The following SPG11 variants were observed in gnomAD, a reference collection of about 807,000 sequenced individuals.
The protein encoded by SPG11 is spatacsin.
In SPG11, 222 loss-of-function variants were observed where a neutral mutation model predicts 274.0. The observed-to-expected ratio is 0.81, with a 90% CI of 0.73 to 0.91. SPG11 has a LOEUF of 0.91. Ranked by LOEUF, SPG11 falls within the 40% of genes least tolerant of loss-of-function variation. The pLI, the probability that SPG11 is intolerant of heterozygous loss-of-function variation, is 0.00. For missense variants in SPG11, 3,114 were observed against 2,872.7 expected (o/e 1.08, Z -1.92); for synonymous variants, 1,144 against 1,039.7 (o/e 1.10, Z -1.93).
intron 18 of SPG11, among the ~76,000 whole-genome samples, 164 bp downstream of exon 18, chr15:44,610,676 C>T (rs1471036643): frequency 6.6e-6 from 1 of 152,176 alleles, no homozygotes; most frequent in Admixed American, 6.5e-5. Flanking sequence ...CTGCACCGGG[C>T]CGAGATATAA....
chr15:44,609,929 G>A (rs1320546398), intron 18 of SPG11, among the ~76,000 whole-genome samples: 2 of 136,852 alleles, frequency 1.5e-5, no homozygotes, highest in Non-Finnish European at 3.1e-5. Context: ...TTGAGACGGA[G>A]TCTTGCTCTG....
At chr15:44,575,219 G>A in intron 30 of SPG11, 178 bp from the exon 31 acceptor site, 1 of 695,588 alleles carries the variant, frequency 1.4e-6, no homozygotes, top group Non-Finnish European at 2.4e-6. Context: ...CCCTCTTCCA[G>A]GAAATCCCAC....
Position 44,565,962 on chromosome 15 carries a change from C to T in SPG11, c.6891G>A (p.Leu2297=), listed in dbSNP as rs2140913726. The T allele has an allele frequency of 6.2e-7, 1 of 1,613,928 alleles. No individual in the cohort carries two copies. The highest frequency in any genetic ancestry group is 8.5e-7 in the Non-Finnish European group (1 of 1,180,034). ...QAQHCQRLTK[L]ITLQIHFLNT... ...TCAGAAAGTGAATCTGCAGAGTTATCAACTTGGTGAGCCGCTGACAGTGCT... is the reference window on the plus strand; with the variant it reads ...TCAGAAAGTGAATCTGCAGAGTTATTAACTTGGTGAGCCGCTGACAGTGCT... The change falls in exon 38 of 40, where the codon TTG becomes TTA. Residue 2297 remains leucine (L), a synonymous_variant. Transcript: ENST00000261866.
intron 11 of SPG11, 27 bp downstream of exon 11, chr15:44,626,304 T>C (rs1359029844): frequency 6.3e-7 from 1 of 1,576,858 alleles, no homozygotes; most frequent in Non-Finnish European, 8.6e-7. Context: ...AAATACATTT[T>C]AAGACTTTAT....
At chr15:44,650,994 C>A (rs2084757444) in intron 6 of SPG11, among the ~76,000 whole-genome samples, 1 of 152,188 alleles carries the variant, frequency 6.6e-6, no homozygotes, top group Non-Finnish European at 1.5e-5. Flanking sequence ...GTTATCCATC[C>A]ACCTCAGCCT....
chr15:44,566,372 T>C (rs780901357), intron 36 of SPG11, 67 bp from the exon 37 acceptor site: 12 of 1,473,170 alleles, frequency 8.1e-6, no homozygotes, highest in Non-Finnish European at 1.1e-5. Flanking sequence ...ATCCCACTCA[T>C]TGTGATCGTG....
chr15:44,615,547 A>G lies in SPG11; in HGVS notation c.2854T>C (p.Ser952Pro), dbSNP rs1391930827. The G allele has an allele frequency of 1.9e-6, 3 of 1,613,932 alleles. No individual in the cohort carries two copies. Among genetic ancestry groups the G allele is most frequent in the Non-Finnish European group, 2.5e-6 (3 of 1,180,010 alleles). ...KLARNGVFLA[S>P]ELEDFECFLL... Reference sequence around the variant, plus strand: ...AAGCATTCAAAGTCTTCCAGTTCAGATGCCAAAAAAACCCCATTCCTATGG... The same window carrying G: ...AAGCATTCAAAGTCTTCCAGTTCAGGTGCCAAAAAAACCCCATTCCTATGG... Residue 952 changes from serine to proline, a missense_variant, in exon 16 of 40, where the codon TCT becomes CCT. Coordinates refer to ENST00000261866, the MANE Select transcript of SPG11 (RefSeq NM_025137.4).
intron 27 of SPG11, chr15:44,590,493 G>T (rs2082876045): frequency 6.6e-6 from 1 of 151,938 alleles, no homozygotes; most frequent in African/African-American, 2.4e-5. Context: ...GCCCAGGCTG[G>T]TCGAACTCCT....
At chr15:44,636,641 A>T (rs761566879) in intron 7 of SPG11, among the ~76,000 whole-genome samples, 7 of 152,042 alleles carry the variant, frequency 4.6e-5, no homozygotes, top group Non-Finnish European at 1.0e-4. Context: ...CAGCCTGGGC[A>T]ACAGAGTGAG....
At chr15:44,654,277 A>T (rs1300866160) in intron 4 of SPG11, among the ~76,000 whole-genome samples, 1 of 152,208 alleles carries the variant, frequency 6.6e-6, no homozygotes, top group African/African-American at 2.4e-5. Flanking sequence ...TGGGAGGCTG[A>T]GGCAGGTGGA....
rs769898852 is a variant in SPG11 at position 44,570,593 on chromosome 15, G to A, written c.6409C>T (p.Arg2137Ter). 1.1e-5 allele frequency: 17 copies of A among 1,614,108 alleles called. No homozygotes were observed. The highest frequency in any genetic ancestry group is 1.7e-5 in the Admixed American group (1 of 60,006). The change falls in exon 34 of 40, where the codon CGA becomes TGA. Residue 2137 changes from arginine to a stop codon, truncating the protein, a stop_gained. Transcript: ENST00000261866. LOFTEE classifies it high-confidence loss of function. The part of the protein sequence containing the change: ...TLTCHMEGII[R>*]VLQAAHMLTD... ...AGCATGTGGGCGGCCTGTAGGACTC[G>A]GATGATGCCCTCCATGTGGCACGTC...
intron 38 of SPG11, among the ~76,000 whole-genome samples, chr15:44,565,009 C>CTACA (rs1321482591): frequency 6.6e-6 from 1 of 152,214 alleles, no homozygotes; most frequent in Non-Finnish European, 1.5e-5. Context: ...ATATCTGGGA[C>CTACA]TACAGGTATA....
intron 28 of SPG11, among the ~76,000 whole-genome samples, chr15:44,588,932 T>A (rs767767801): frequency 1.4e-4 from 21 of 152,192 alleles, no homozygotes; most frequent in Non-Finnish European, 1.8e-4. Flanking sequence ...TCAGTGTATG[T>A]CTTGATCTGT....
intron 17 of SPG11, 106 bp from the exon 18 acceptor site, chr15:44,611,091 T>TAAAA (rs35831490): frequency 2.3e-4 from 16 of 70,096 alleles, no homozygotes; most frequent in African/African-American, 6.8e-4. Context: ...CTATCCCCAG[T>TAAAA]AAAAAAAAAA....
At chr15:44,610,741 A>G (rs1201224803) in intron 18 of SPG11, 99 bp downstream of exon 18, 3 of 1,191,348 alleles carry the variant, frequency 2.5e-6, no homozygotes, top group African/African-American at 3.1e-5. Context: ...ATACTTGAAT[A>G]TAGTTATATT....
intron 26 of SPG11, among the ~76,000 whole-genome samples, chr15:44,594,554 A>G (rs2082984348): frequency 6.7e-6 from 1 of 149,360 alleles, no homozygotes; most frequent in Non-Finnish European, 1.5e-5. Flanking sequence ...AGACTAGCCT[A>G]GCCTGGTCAA....
chr15:44,562,871 G>A lies in SPG11; in HGVS notation c.*250C>T. On this transcript the variant is annotated 3_prime_UTR_variant, in exon 40 of 40. Transcript: ENST00000261866. ...AAGTAGAAGCTGTCCTGAGGAAGAG[G>A]AAGCTTTTGATCTTAATACTAGTAT... 2.2e-6 allele frequency: 1 copy of A among 461,756 alleles called. No individual in the cohort carries two copies. The highest frequency in any genetic ancestry group is 3.9e-6 in the Non-Finnish European group (1 of 255,420). The allele number at this position is 461,756 out of a possible 1,614,324, so 28.6% of individuals were successfully genotyped here.
intron 17 of SPG11, among the ~76,000 whole-genome samples, chr15:44,611,530 T>C (rs2083459812): frequency 6.6e-6 from 1 of 152,158 alleles, no homozygotes; most frequent in South Asian, 2.1e-4. Flanking sequence ...GGACTTAAAA[T>C]AAAATTGTAC....
At chr15:44,615,287 A>C in intron 16 of SPG11, 76 bp downstream of exon 16, 8 of 1,403,182 alleles carry the variant, frequency 5.7e-6, no homozygotes, top group Non-Finnish European at 7.0e-6. Context: ...ATTTTCCTAA[A>C]AGTCACATTC....
Sources: gnomAD v4.1 joint callset for allele counts (sites outside exome capture counted in the v4.1 genomes callset) on GRCh38, gnomAD v4.1.1 for gene constraint, MANE v1.5 for transcripts, NCBI Gene and HGNC (gene_info 2026-07-23, HGNC 2026-07-21) for gene names.